Variants in SPAG17 observed in about 807,000 individuals in gnomAD.
The protein encoded by SPAG17 is sperm-associated antigen 17.
In SPAG17, 169 loss-of-function variants were observed where a neutral mutation model predicts 273.6. That is an observed-to-expected ratio of 0.62 (90% CI 0.55 to 0.70). The LOEUF is 0.70. Among genes scored for constraint, SPAG17 ranks in the 30% least tolerant of loss-of-function variants. The pLI, the probability that SPAG17 is intolerant of heterozygous loss-of-function variation, is 0.00. For missense variants in SPAG17, 2,557 were observed against 2,627.8 expected, an observed-to-expected ratio of 0.97 and a Z score of 0.59; for synonymous variants, 825 against 873.2, an observed-to-expected ratio of 0.94 and a Z score of 0.97.
At chr1:118,043,257 G>A (rs777728571) in intron 20 of SPAG17, among the ~76,000 whole-genome samples, 17 of 152,128 alleles carry the variant, frequency 1.1e-4, no homozygotes, top group Non-Finnish European at 2.1e-4. Context: ...GAGACATTTC[G>A]AGAGTTGAAG....
intron 3 of SPAG17, among the ~76,000 whole-genome samples, chr1:118,135,625 G>C (rs1288139148): frequency 6.6e-6 from 1 of 152,052 alleles, no homozygotes; most frequent in Non-Finnish European, 1.5e-5. Flanking sequence ...TGTTGTATTT[G>C]ACAAGTTTGT....
At chr1:118,064,668 A>T (rs1179363214) in intron 18 of SPAG17, among the ~76,000 whole-genome samples, 1 of 151,220 alleles carries the variant, frequency 6.6e-6, no homozygotes, top group Non-Finnish European at 1.5e-5. Flanking sequence ...GCACACCAAC[A>T]TGGCACATGT....
At chr1:118,128,074 A>G (rs1330893663) in intron 3 of SPAG17, among the ~76,000 whole-genome samples, 2 of 151,748 alleles carry the variant, frequency 1.3e-5, no homozygotes, top group Admixed American at 1.3e-4. Flanking sequence ...GTGGGCCAAG[A>G]CCGCACCGCT....
intron 20 of SPAG17, among the ~76,000 whole-genome samples, chr1:118,045,635 T>C (rs968527370): frequency 6.6e-6 from 1 of 152,190 alleles, no homozygotes; most frequent in African/African-American, 2.4e-5. Flanking sequence ...TCTAGCTAGT[T>C]ATCGAACCCA....
intron 3 of SPAG17, among the ~76,000 whole-genome samples, chr1:118,133,385 T>C (rs535241023): frequency 6.6e-6 from 1 of 152,158 alleles, no homozygotes; most frequent in South Asian, 2.1e-4. Flanking sequence ...GTGGCTGCCC[T>C]TGGAGAAGGG....
intron 18 of SPAG17, among the ~76,000 whole-genome samples, chr1:118,063,901 C>T (rs1296205836): frequency 6.6e-6 from 1 of 152,116 alleles, no homozygotes; most frequent in Non-Finnish European, 1.5e-5. Context: ...AAAAAACAAA[C>T]AACCCCATCA....
chr1:117,956,370 G>T (rs1652195293), intron 48 of SPAG17, among the ~76,000 whole-genome samples: 1 of 152,014 alleles, frequency 6.6e-6, no homozygotes, highest in African/African-American at 2.4e-5. Context: ...ACTACTGAAG[G>T]CTATCATTTT....
intron 1 of SPAG17, among the ~76,000 whole-genome samples, chr1:118,176,623 G>T (rs1027872802): frequency 6.6e-6 from 1 of 152,186 alleles, no homozygotes; most frequent in Admixed American, 6.5e-5. Context: ...AGGACCTATT[G>T]TCGGTAATGG....
At chr1:118,031,592 G>T in intron 25 of SPAG17, 100 bp downstream of exon 25, 3 of 1,198,430 alleles carry the variant, frequency 2.5e-6, no homozygotes, top group Non-Finnish European at 2.4e-6. Flanking sequence ...ACAATAAAAC[G>T]TATGCACTAT....
intron 1 of SPAG17, among the ~76,000 whole-genome samples, chr1:118,159,259 ACTGT>A (rs1659797616): frequency 6.6e-6 from 1 of 152,192 alleles, no homozygotes; most frequent in Non-Finnish European, 1.5e-5. Flanking sequence ...GCATGTATAC[ACTGT>A]CTGGCTGGTT....
rs1659332315 is a variant in SPAG17 at position 118,150,779 on chromosome 1, T to TA, written c.229-151dup. 4 of 542,480 alleles carry TA rather than the reference T, an allele frequency of 7.4e-6. No individual in the cohort carries two copies. The Admixed American group carries it at 1.5e-4, about 20-fold the overall frequency. 33.6% of individuals were successfully genotyped at this position (542,480 alleles called of 1,614,324 possible). A position where few individuals can be genotyped will look rare whatever the true frequency, so the allele number is the denominator to read the frequency against. On this transcript the variant is annotated intron_variant, in intron 2 of 48. Coordinates refer to ENST00000336338, the MANE Select transcript of SPAG17 (RefSeq NM_206996.4). Reference sequence around the variant, plus strand: ...ATGAATTAGGTAAAATATTTATAGTTACTTCGTAAGCTGTCAGTAATTGTA... The same window carrying TA: ...ATGAATTAGGTAAAATATTTATAGTTAACTTCGTAAGCTGTCAGTAATTGTA...
Position 117,981,493 on chromosome 1 carries a change from G to A in SPAG17, c.5873-92C>T, listed in dbSNP as rs540274984. On this transcript the variant is annotated intron_variant, in intron 42 of 48. Coordinates refer to ENST00000336338, the MANE Select transcript of SPAG17 (RefSeq NM_206996.4). ...TGCATGAACAAACATTGAAGAAGGT[G>A]TTTTACAATGAATGAGGTACCTTTT... 7.7e-5 allele frequency: 103 copies of A among 1,340,080 alleles called. 1 individual carries two copies. In the Middle Eastern group the frequency reaches 1.5e-3, roughly 20 times the overall value. The allele number at this position is 1,340,080 out of a possible 1,614,324, so 83.0% of individuals were successfully genotyped here.
At chr1:118,033,035 A>C (rs148452186) in intron 24 of SPAG17, among the ~76,000 whole-genome samples, 1 of 152,286 alleles carries the variant, frequency 6.6e-6, no homozygotes, top group African/African-American at 2.4e-5. Context: ...GATGAGGCCC[A>C]GGCATTTATA....
intron 17 of SPAG17, 122 bp from the exon 18 acceptor site, chr1:118,067,021 T>C: frequency 2.3e-6 from 2 of 866,124 alleles, no homozygotes; most frequent in Non-Finnish European, 1.7e-6. Flanking sequence ...GTTAGTCAAG[T>C]TGAAATTCCC....
rs2101906248 is a variant in SPAG17, at chr1:118,036,859, G to A, written c.3344C>T (p.Ala1115Val). The stretch of plus-strand genomic sequence containing the variant: ...AGAAAAAGATCCAAACTTGCTGAAA[G>A]CTTTATTCTTTGCATCTGATACTTC... The part of the protein sequence containing the change: ...ETEVSDAKNK[A>V]FSKFGSFSAT... Residue 1115 changes from alanine (A) to valine (V), a missense_variant, in exon 24 of 49, where the codon GCT becomes GTT. Coordinates refer to ENST00000336338, the MANE Select transcript of SPAG17 (RefSeq NM_206996.4). 6.4e-7 allele frequency: 1 copy of A among 1,557,968 alleles called. No individual in the cohort carries two copies.
chr1:117,981,759 G>GT (rs1226925202), intron 42 of SPAG17, among the ~76,000 whole-genome samples: 1 of 152,148 alleles, frequency 6.6e-6, no homozygotes, highest in Non-Finnish European at 1.5e-5. Context: ...CAACTGAGAT[G>GT]TTATCTTTTT....
chr1:118,171,967 C>A (rs1480159892), intron 1 of SPAG17, among the ~76,000 whole-genome samples: 1 of 152,148 alleles, frequency 6.6e-6, no homozygotes, highest in African/African-American at 2.4e-5. Context: ...ATCAAATTAG[C>A]CTAGATACCC....
At chr1:118,048,673 A>G (rs1650646250) in intron 20 of SPAG17, among the ~76,000 whole-genome samples, 1 of 152,144 alleles carries the variant, frequency 6.6e-6, no homozygotes, top group South Asian at 2.1e-4. Context: ...CAAGGTGGGC[A>G]GATCACAAGG....
intron 36 of SPAG17, 151 bp downstream of exon 36, chr1:117,992,315 C>T: frequency 3.1e-6 from 2 of 647,544 alleles, no homozygotes; most frequent in Non-Finnish European, 4.9e-6. Context: ...TATTTTCTAC[C>T]TCTCAACCCT....
Sources: gnomAD v4.1 joint callset for allele counts (sites outside exome capture counted in the v4.1 genomes callset) on GRCh38, gnomAD v4.1.1 for gene constraint, MANE v1.5 for transcripts, NCBI Gene and HGNC (gene_info 2026-07-23, HGNC 2026-07-21) for gene names.